ARHGAP20: variants seen among roughly 807,000 people sequenced by gnomAD.
ARHGAP20 encodes rho GTPase-activating protein 20.
ARHGAP20 carries 34 observed loss-of-function variants against 73.7 expected under a neutral mutation model. The ratio of observed to expected loss-of-function variants is 0.46; its 90% CI spans 0.35 to 0.61. The LOEUF is 0.61. Ranked by LOEUF, ARHGAP20 falls within the 20% of genes least tolerant of loss-of-function variation. The pLI is 0.00. For synonymous variants in ARHGAP20, 523 were observed against 518.2 expected (o/e 1.01, Z -0.13); for missense variants, 1,314 against 1,420.9 (o/e 0.92, Z 1.21).
At chr11:110,613,986 A>G (rs1948428602) in intron 6 of ARHGAP20, among the ~76,000 whole-genome samples, 1 of 152,188 alleles carries the variant, frequency 6.6e-6, no homozygotes, top group Admixed American at 6.5e-5. Flanking sequence ...CTGGGGTTAA[A>G]GACTTAATAT....
At chr11:110,663,619 G>C (rs1282247899) in intron 2 of ARHGAP20, among the ~76,000 whole-genome samples, 1 of 151,770 alleles carries the variant, frequency 6.6e-6, no homozygotes, top group Non-Finnish European at 1.5e-5. Flanking sequence ...AACAAACAAA[G>C]GAACAAAAAC....
chr11:110,703,833 C>T (rs1950503798), intron 1 of ARHGAP20, among the ~76,000 whole-genome samples: 1 of 152,092 alleles, frequency 6.6e-6, no homozygotes, highest in African/African-American at 2.4e-5. Flanking sequence ...CCAATGTTCT[C>T]TGCCTAATAG....
intron 2 of ARHGAP20, among the ~76,000 whole-genome samples, chr11:110,663,044 AC>A (rs2135048354): frequency 6.6e-6 from 1 of 152,140 alleles, no homozygotes; most frequent in East Asian, 1.9e-4. Flanking sequence ...TTTGTGGAAT[AC>A]CAATAAAGTA....
intron 9 of ARHGAP20, among the ~76,000 whole-genome samples, chr11:110,605,186 C>T (rs1484440685): frequency 6.6e-6 from 1 of 152,082 alleles, no homozygotes; most frequent in Non-Finnish European, 1.5e-5. Flanking sequence ...TAAAGATGGA[C>T]ACGGGGACTA....
At chr11:110,701,093 G>A (rs941249922) in intron 1 of ARHGAP20, among the ~76,000 whole-genome samples, 6 of 151,756 alleles carry the variant, frequency 4.0e-5, no homozygotes, top group African/African-American at 1.5e-4. Context: ...ATAGTCCTTT[G>A]GGTACATACC....
chr11:110,708,096 A>AAT (rs1439525273), intron 1 of ARHGAP20, among the ~76,000 whole-genome samples: 3 of 152,136 alleles, frequency 2.0e-5, no homozygotes, highest in African/African-American at 7.2e-5. Flanking sequence ...AATTGGGCAA[A>AAT]ATATTTAGAC....
intron 13 of ARHGAP20, among the ~76,000 whole-genome samples, chr11:110,583,006 G>A (rs1947515019): frequency 6.6e-6 from 1 of 152,220 alleles, no homozygotes; most frequent in South Asian, 2.1e-4. Context: ...GAGAGGTACT[G>A]GAACCTTTCT....
At chr11:110,659,021 C>T (rs376784258) in intron 2 of ARHGAP20, among the ~76,000 whole-genome samples, 9 of 151,762 alleles carry the variant, frequency 5.9e-5, no homozygotes, top group East Asian at 1.9e-4. Context: ...AATAAACATA[C>T]GTGTGCATGT....
Position 110,583,044 on chromosome 11 carries a change from C to T in ARHGAP20, c.1605+504G>A, listed in dbSNP as rs537573896. Among the ~76,000 whole-genome samples the T allele has an allele frequency of 9.2e-5, 14 of 152,284 alleles. No homozygotes were observed. In the East Asian group the frequency reaches 2.7e-3, roughly 29 times the overall value. Reference sequence around the variant, plus strand: ...AGTTCCCTTGCCCCAGTAGCTGAGGCCAAGGGGCAGGAGAAATGTTAAGAG... The same window carrying T: ...AGTTCCCTTGCCCCAGTAGCTGAGGTCAAGGGGCAGGAGAAATGTTAAGAG... On this transcript the variant is annotated intron_variant, in intron 13 of 14. Coordinates refer to ENST00000683387, the MANE Select transcript of ARHGAP20 (RefSeq NM_001384657.1).
chr11:110,711,653 C>T, intron 1 of ARHGAP20: 1 of 1,471,248 alleles, frequency 6.8e-7, no homozygotes, highest in Non-Finnish European at 9.0e-7. Context: ...AGCCCCGCTG[C>T]CTACCTTCTT....
intron 3 of ARHGAP20, among the ~76,000 whole-genome samples, chr11:110,625,199 G>A (rs1420817287): frequency 3.3e-5 from 5 of 150,300 alleles, no homozygotes; most frequent in Admixed American, 1.3e-4. Flanking sequence ...CACCGCGCCC[G>A]GCTAATTTTT....
chr11:110,704,544 A>G (rs1334341529), intron 1 of ARHGAP20, among the ~76,000 whole-genome samples: 1 of 151,988 alleles, frequency 6.6e-6, no homozygotes, highest in African/African-American at 2.4e-5. Flanking sequence ...GATAAAGAAA[A>G]TAAGACTGAA....
At chr11:110,673,686 A>G (rs541322728) in intron 2 of ARHGAP20, among the ~76,000 whole-genome samples, 1 of 152,302 alleles carries the variant, frequency 6.6e-6, no homozygotes, top group African/African-American at 2.4e-5. Context: ...CCATTGTGTC[A>G]CTTTCATTTA....
At chr11:110,686,471 T>C (rs994837020) in intron 2 of ARHGAP20, among the ~76,000 whole-genome samples, 1 of 152,168 alleles carries the variant, frequency 6.6e-6, no homozygotes, top group Non-Finnish European at 1.5e-5. Flanking sequence ...TACTTTTTGT[T>C]TTATACATGT....
intron 1 of ARHGAP20, among the ~76,000 whole-genome samples, chr11:110,706,150 A>G (rs1401766290): frequency 1.3e-5 from 2 of 152,114 alleles, no homozygotes; most frequent in South Asian, 2.1e-4. Context: ...AAAGGCCCTC[A>G]ACTGTACTTT....
At chr11:110,589,667 G>C in intron 11 of ARHGAP20, 1 of 985,436 alleles carries the variant, frequency 1.0e-6, no homozygotes, top group Non-Finnish European at 1.2e-6. Flanking sequence ...GCATTTCCAA[G>C]AATGTGGGGG....
intron 4 of ARHGAP20, among the ~76,000 whole-genome samples, chr11:110,620,354 T>C (rs1948602463): frequency 6.6e-6 from 1 of 152,162 alleles, no homozygotes; most frequent in South Asian, 2.1e-4. Context: ...TCTTGCTATA[T>C]TGACCAGTTT....
At chr11:110,592,983 TGAGGTAG>T (rs1947866203) in intron 9 of ARHGAP20, among the ~76,000 whole-genome samples, 1 of 151,898 alleles carries the variant, frequency 6.6e-6, no homozygotes, top group African/African-American at 2.4e-5. Context: ...TATAATGTCA[TGAGGTAG>T]GAACAAAGTA....
intron 2 of ARHGAP20, among the ~76,000 whole-genome samples, chr11:110,650,106 T>A (rs911121584): frequency 2.0e-5 from 3 of 152,190 alleles, no homozygotes; most frequent in Non-Finnish European, 4.4e-5. Flanking sequence ...TAGCCTACAA[T>A]GTGCTACTTA....
Sources: gnomAD v4.1 joint callset for allele counts (sites outside exome capture counted in the v4.1 genomes callset) on GRCh38, gnomAD v4.1.1 for gene constraint, MANE v1.5 for transcripts, NCBI Gene and HGNC (gene_info 2026-07-23, HGNC 2026-07-21) for gene names.